NWD1: variants seen among roughly 807,000 people sequenced by gnomAD.
NWD1 encodes the protein NACHT and WD repeat domain containing 1.
In NWD1, 129 loss-of-function variants were observed where a neutral mutation model predicts 135.1. The ratio of observed to expected loss-of-function variants is 0.96; its 90% confidence interval spans 0.83 to 1.11. The LOEUF is 1.11. Among genes scored for constraint, NWD1 ranks in the 50% least tolerant of loss-of-function variants. NWD1 has a pLI of 0.00. For synonymous variants in NWD1, 773 were observed against 786.0 expected (o/e 0.98, Z 0.28); for missense variants, 1,740 against 1,851.3 (o/e 0.94, Z 1.10).
chr19:16,805,144 C>T (rs989983597), intron 17 of NWD1, among the ~76,000 whole-genome samples: 3 of 151,662 alleles, frequency 2.0e-5, no homozygotes, highest in Non-Finnish European at 4.4e-5. Context: ...CTGCAACCTC[C>T]GCCTCCCGGG....
At chr19:16,810,418 A>G (rs1344281684) in intron 18 of NWD1, among the ~76,000 whole-genome samples, 3 of 147,368 alleles carry the variant, frequency 2.0e-5, no homozygotes, top group East Asian at 2.0e-4. Flanking sequence ...AGCCTGGGCG[A>G]CAGAGTGAGA....
intron 12 of NWD1, among the ~76,000 whole-genome samples, chr19:16,785,885 GAT>G (rs1485970252): frequency 5.3e-5 from 8 of 150,684 alleles, no homozygotes; most frequent in African/African-American, 2.0e-4. Flanking sequence ...TTGTTTTTGA[GAT>G]AGAGTCCCAC....
intron 18 of NWD1, among the ~76,000 whole-genome samples, chr19:16,809,844 A>G (rs1300318114): frequency 6.6e-6 from 1 of 151,900 alleles, no homozygotes; most frequent in Non-Finnish European, 1.5e-5. Flanking sequence ...GTCATGAGCC[A>G]CCGTGCCTGG....
At chr19:16,724,315 A>C (rs1967244061) in intron 1 of NWD1, 51 bp from the exon 2 acceptor site, 1 of 152,176 alleles carries the variant, frequency 6.6e-6, no homozygotes, top group Non-Finnish European at 1.5e-5. Context: ...ACTACCTCAT[A>C]TATTGCTGCA....
At position 16,794,546 on chromosome 19, in the gene NWD1, C is replaced by G. The variant is rs150732054; in HGVS notation, c.3297C>G (p.Leu1099=). The change falls in exon 15 of 19, where the codon CTC becomes CTG. Residue 1099 remains leucine (L), a synonymous_variant. Coordinates refer to ENST00000524140, the MANE Select transcript of NWD1 (RefSeq NM_001007525.5). ...FLVVSEDESL[L]AAGFGRSVRI... ...TGGTCTCTGAAGATGAGTCCCTCCT[C>G]GCCGCAGGTAGCGTTTAGCTCTCAT... 6.2e-6 allele frequency: 10 copies of G among 1,601,624 alleles called. No individual in the cohort carries two copies. Among genetic ancestry groups the G allele is most frequent in the Non-Finnish European group, 7.7e-6 (9 of 1,171,530 alleles).
chr19:16,811,931 G>A (rs898882069), intron 18 of NWD1, among the ~76,000 whole-genome samples: 9 of 152,138 alleles, frequency 5.9e-5, no homozygotes, highest in African/African-American at 1.2e-4. Flanking sequence ...CAGAGGAATC[G>A]CTTAAACCCA....
At chr19:16,743,726 A>G (rs936384768) in intron 4 of NWD1, among the ~76,000 whole-genome samples, 9 of 152,032 alleles carry the variant, frequency 5.9e-5, no homozygotes, top group Non-Finnish European at 1.0e-4. Context: ...TCTGTTGCCC[A>G]GGCTGGACTG....
Position 16,791,330 on chromosome 19 carries a change from C to G in NWD1, c.2941-20C>G. On this transcript the variant is annotated intron_variant, in intron 13 of 18. Transcript: ENST00000524140. ...TAGGTCTCCTGCCAAGATGCTGCTTCCTCTTCATTATTCTATTAGATCAAT... is the reference window on the plus strand; with the variant it reads ...TAGGTCTCCTGCCAAGATGCTGCTTGCTCTTCATTATTCTATTAGATCAAT... The G allele has an allele frequency of 6.2e-7, 1 of 1,605,380 alleles. No homozygotes were observed. Among genetic ancestry groups the G allele is most frequent in the Non-Finnish European group, 8.5e-7 (1 of 1,174,108 alleles).
At chr19:16,722,865 A>C (rs1244613201) in intron 1 of NWD1, among the ~76,000 whole-genome samples, 1 of 152,002 alleles carries the variant, frequency 6.6e-6, no homozygotes, top group Admixed American at 6.6e-5. Context: ...TACGTGACCA[A>C]CTCCCAATAA....
intron 8 of NWD1, among the ~76,000 whole-genome samples, chr19:16,762,807 C>G (rs745610229): frequency 3.3e-5 from 5 of 151,672 alleles, no homozygotes; most frequent in Non-Finnish European, 7.4e-5. Flanking sequence ...TCCTTCCTGA[C>G]AGAGTCTTGC....
At chr19:16,735,300 T>C (rs1417338868) in intron 3 of NWD1, among the ~76,000 whole-genome samples, 3 of 152,022 alleles carry the variant, frequency 2.0e-5, no homozygotes, top group African/African-American at 7.2e-5. Context: ...GATCAGGAGT[T>C]TGAGACCAGC....
intron 6 of NWD1, among the ~76,000 whole-genome samples, chr19:16,757,227 G>A (rs184687278): frequency 6.6e-6 from 1 of 152,220 alleles, no homozygotes; most frequent in East Asian, 1.9e-4. Flanking sequence ...AAAGACTGGG[G>A]ACTGCTGCCC....
chr19:16,742,078 C>CA (rs1237023142), intron 4 of NWD1, among the ~76,000 whole-genome samples: 1 of 150,844 alleles, frequency 6.6e-6, no homozygotes, highest in Non-Finnish European at 1.5e-5. Flanking sequence ...AACTGTGTCT[C>CA]AAAAAAAGTA....
rs1169511993 is a variant in NWD1, at chr19:16,759,315, C to T, written c.1860C>T (p.Ser620=). The part of the protein sequence containing the change: ...QDVYRDWTPP[S]KELLRFPPLL... The stretch of plus-strand genomic sequence containing the variant: ...TGTACCGAGATTGGACCCCGCCCAG[C>T]AAGGAGCTGCTGCGCTTCCCGCCCC... The change falls in exon 7 of 19, where the codon AGC becomes AGT. Residue 620 remains serine, a synonymous_variant. Transcript: ENST00000524140. 6.2e-7 allele frequency: 1 copy of T among 1,614,092 alleles called. No individual in the cohort carries two copies. The highest frequency in any genetic ancestry group is 1.3e-5 in the African/African-American group (1 of 75,062).
chr19:16,786,152 A>C (rs1970033631), intron 12 of NWD1, among the ~76,000 whole-genome samples: 1 of 151,662 alleles, frequency 6.6e-6, no homozygotes, highest in African/African-American at 2.4e-5. Context: ...GGCGTGAGCC[A>C]CTGTGCCAGC....
chr19:16,763,162 G>A (rs1409469222), intron 8 of NWD1, among the ~76,000 whole-genome samples: 1 of 150,754 alleles, frequency 6.6e-6, no homozygotes, highest in African/African-American at 2.4e-5. Flanking sequence ...CAGAGTCCCT[G>A]CAGACTCAGC....
intron 4 of NWD1, among the ~76,000 whole-genome samples, chr19:16,740,001 T>G (rs143860252): frequency 2.6e-4 from 39 of 152,200 alleles, no homozygotes; most frequent in African/African-American, 9.1e-4. Flanking sequence ...AACTGACTAG[T>G]TATAAAGAGA....
intron 2 of NWD1, among the ~76,000 whole-genome samples, chr19:16,725,823 G>A (rs1277704044): frequency 6.6e-6 from 1 of 151,976 alleles, no homozygotes; most frequent in Non-Finnish European, 1.5e-5. Flanking sequence ...AAAGCGGTGG[G>A]ATTACAGGCA....
intron 5 of NWD1, among the ~76,000 whole-genome samples, 195 bp from the exon 6 acceptor site, chr19:16,748,944 G>T (rs1390040305): frequency 1.3e-5 from 2 of 152,174 alleles, no homozygotes; most frequent in African/African-American, 2.4e-5. Flanking sequence ...GCCCCACTCA[G>T]ATCTGCTGAA....
Sources: gnomAD v4.1 joint callset for allele counts (sites outside exome capture counted in the v4.1 genomes callset) on GRCh38, gnomAD v4.1.1 for gene constraint, MANE v1.5 for transcripts, NCBI Gene and HGNC (gene_info 2026-07-23, HGNC 2026-07-21) for gene names.